The following CSMD1 variants were observed in gnomAD, a reference collection of about 807,000 sequenced individuals.
CSMD1 encodes the protein CUB and Sushi multiple domains 1.
A neutral mutation model predicts 417.5 loss-of-function variants in CSMD1; 213 were observed. The observed-to-expected ratio is 0.51, with a 90% CI of 0.46 to 0.57. CSMD1 has a LOEUF of 0.57. Ranked by LOEUF, CSMD1 falls within the 20% of genes least tolerant of loss-of-function variation. The pLI is 0.00. For synonymous variants in CSMD1, 2,862 were observed against 1,736.8 expected (o/e 1.65, Z -16.11); for missense variants, 6,923 against 4,529.7 (o/e 1.53, Z -15.17).
rs146575457 is a variant in CSMD1 at position 3,775,272 on chromosome 8, A to G, written c.819-21230T>C. ...GTATGTTAAACATTGGAAGATTTAA[A>G]GACAGTGAAAAATAAGTGAACAGAA... On this transcript the variant is annotated intron_variant, in intron 5 of 69. Transcript: ENST00000635120. Among the ~76,000 whole-genome samples the G allele has an allele frequency of 4.3e-3, 649 of 152,342 alleles. 4 individuals carry two copies. The highest frequency in any genetic ancestry group is 0.015 in the African/African-American group (610 of 41,576).
intron 7 of CSMD1, among the ~76,000 whole-genome samples, chr8:3,660,762 C>G (rs1016755539): frequency 2.6e-5 from 4 of 152,104 alleles, no homozygotes; most frequent in African/African-American, 7.2e-5. Context: ...CTCAAATGAT[C>G]CACACACCTC....
intron 6 of CSMD1, among the ~76,000 whole-genome samples, chr8:3,749,346 T>C (rs1187291037): frequency 1.3e-5 from 2 of 152,228 alleles, no homozygotes; most frequent in African/African-American, 2.4e-5. Flanking sequence ...ACTACTTTTG[T>C]TCACAATGTC....
Position 4,588,570 on chromosome 8 carries a change from G to A in CSMD1, c.302+48772C>T, listed in dbSNP as rs570981309. Among the ~76,000 whole-genome samples the A allele has an allele frequency of 2.0e-5, 3 of 151,918 alleles. No homozygotes were observed. In the East Asian group the frequency reaches 5.9e-4, roughly 30 times the overall value. On this transcript the variant is annotated intron_variant, in intron 2 of 69. Coordinates refer to ENST00000635120, the MANE Select transcript of CSMD1 (RefSeq NM_033225.6). ...AGCCCTTTCGGAGGCCGAGTCTGGC[G>A]GATCAGCAGATCGAGACCATCCTGG...
In CSMD1 at chr8:4,690,604, T is replaced by A. The variant is rs144125691; in HGVS notation, c.86-53046A>T. Among the ~76,000 whole-genome samples the A allele has an allele frequency of 3.2e-3, 493 of 152,318 alleles. 2 individuals are homozygous for A. The highest frequency in any genetic ancestry group is 5.8e-3 in the Non-Finnish European group (392 of 68,024). On this transcript the variant is annotated intron_variant, in intron 1 of 69. Transcript: ENST00000635120. ...ATTATATTTTAGCAAAAAGCATGCT[T>A]GTTCCTCAGTCATGTGAATACAGTT...
At chr8:4,645,928 C>T (rs569864199) in intron 1 of CSMD1, among the ~76,000 whole-genome samples, 29 of 152,238 alleles carry the variant, frequency 1.9e-4, no homozygotes, top group East Asian at 3.9e-4. Context: ...CCATGTAACA[C>T]GACTTTAGAG....
At chr8:4,171,891 T>C (rs78264152) in intron 3 of CSMD1, among the ~76,000 whole-genome samples, 70 of 152,320 alleles carry the variant, frequency 4.6e-4, no homozygotes, top group African/African-American at 1.5e-3. Context: ...TTGAATGCAA[T>C]TGTCTGCATG....
chr8:3,908,012 C>G (rs1240408894), intron 5 of CSMD1, among the ~76,000 whole-genome samples: 1 of 152,136 alleles, frequency 6.6e-6, no homozygotes, highest in Non-Finnish European at 1.5e-5. Context: ...ACAGTTTCCT[C>G]TTTCTACCAG....
intron 48 of CSMD1, among the ~76,000 whole-genome samples, chr8:3,088,369 A>G (rs190882350): frequency 1.3e-5 from 2 of 152,334 alleles, no homozygotes; most frequent in East Asian, 3.9e-4. Flanking sequence ...AGAACTGGGA[A>G]TTCTCAGTTT....
chr8:3,957,599 G>C (rs973485959), intron 5 of CSMD1, among the ~76,000 whole-genome samples: 17 of 152,124 alleles, frequency 1.1e-4, no homozygotes, highest in African/African-American at 3.9e-4. Context: ...TGGACAGATG[G>C]CTTGATCTCA....
intron 54 of CSMD1, among the ~76,000 whole-genome samples, chr8:2,993,451 T>A (rs1262473185): frequency 1.3e-5 from 2 of 152,226 alleles, no homozygotes; most frequent in East Asian, 3.9e-4. Context: ...AAAAGAGGAG[T>A]GTCAGGGCAC....
intron 4 of CSMD1, among the ~76,000 whole-genome samples, chr8:4,008,798 G>C (rs539299536): frequency 4.0e-5 from 6 of 151,624 alleles, no homozygotes; most frequent in Non-Finnish European, 5.9e-5. Context: ...TTTTGGTAGA[G>C]ACGGGATTTC....
intron 5 of CSMD1, among the ~76,000 whole-genome samples, chr8:3,839,874 G>C (rs1020828701): frequency 1.3e-5 from 2 of 151,870 alleles, no homozygotes; most frequent in Non-Finnish European, 2.9e-5. Context: ...CAGTTTCTAA[G>C]GATCAGAACA....
intron 18 of CSMD1, among the ~76,000 whole-genome samples, chr8:3,384,720 A>AAT (rs10662888): frequency 1.7e-5 from 2 of 118,286 alleles, no homozygotes; most frequent in Non-Finnish European, 3.2e-5. Context: ...ATATATTTAT[A>AAT]ATATTTATAT....
chr8:4,101,229 T>C (rs1458835678), intron 3 of CSMD1, among the ~76,000 whole-genome samples: 1 of 152,182 alleles, frequency 6.6e-6, no homozygotes, highest in African/African-American at 2.4e-5. Flanking sequence ...TTCCTTTTGT[T>C]TTTTGCTGTT....
chr8:3,500,392 C>T (rs1055420971), intron 10 of CSMD1, among the ~76,000 whole-genome samples: 2 of 152,050 alleles, frequency 1.3e-5, no homozygotes, highest in African/African-American at 4.8e-5. Flanking sequence ...TAGAAAAAAA[C>T]AGTATGGAGC....
intron 5 of CSMD1, among the ~76,000 whole-genome samples, chr8:3,959,606 T>C (rs1270326815): frequency 2.6e-5 from 4 of 152,208 alleles, no homozygotes; most frequent in African/African-American, 4.8e-5. Context: ...GACCAAATGC[T>C]CCAAATCACA....
rs1419194714 is a variant in CSMD1, at chr8:3,796,379, T to C, written c.819-42337A>G. Among the ~76,000 whole-genome samples, 10 of 48,196 alleles carry C rather than the reference T, an allele frequency of 2.1e-4. 2 individuals carry two copies. Among genetic ancestry groups the C allele is most frequent in the Non-Finnish European group, 4.2e-4 (9 of 21,270 alleles). The allele number at this position is 48,196 out of a possible 152,430, so 31.6% of individuals were successfully genotyped here. ...TATAGATATAGATATCTATCATGTA[T>C]ATATATATCTATCATGTATAGATAT... On this transcript the variant is annotated intron_variant, in intron 5 of 69. Transcript: ENST00000635120.
At chr8:4,122,972 G>C (rs560538991) in intron 3 of CSMD1, among the ~76,000 whole-genome samples, 258 of 152,286 alleles carry the variant, frequency 1.7e-3, no homozygotes, top group Non-Finnish European at 3.0e-3. Flanking sequence ...CTAGACCTAC[G>C]GTGATAATTG....
At chr8:3,467,186 G>C (rs899323928) in intron 12 of CSMD1, among the ~76,000 whole-genome samples, 2 of 152,106 alleles carry the variant, frequency 1.3e-5, no homozygotes, top group Non-Finnish European at 2.9e-5. Context: ...CTTTTATTGG[G>C]ACTACTTATG....
Sources: allele counts gnomAD v4.1 joint callset (sites outside exome capture counted in the v4.1 genomes callset), GRCh38; gene constraint gnomAD v4.1.1; transcripts MANE v1.5; gene names NCBI Gene and HGNC (gene_info 2026-07-23, HGNC 2026-07-21).